Variants in OLA1 observed in about 807,000 individuals in gnomAD.
The protein encoded by OLA1 is obg-like ATPase 1.
Under a neutral mutation model 48.4 loss-of-function variants are expected in OLA1, and 14 were observed. That is an observed-to-expected ratio of 0.29 (90% confidence interval 0.19 to 0.45). The LOEUF is 0.45. OLA1 is among the 20% of genes least tolerant of loss of function. The probability of loss-of-function intolerance (pLI) is 1.00; values close to 1 mark genes in which losing one functional copy is unlikely to be tolerated. For synonymous variants in OLA1, 127 were observed against 150.4 expected (o/e 0.84, Z 1.14); for missense variants, 325 against 467.1 (o/e 0.70, Z 2.80).
chr2:174,182,950 CA>C (rs1687580887), intron 4 of OLA1, among the ~76,000 whole-genome samples: 1 of 152,156 alleles, frequency 6.6e-6, no homozygotes, highest in Admixed American at 6.5e-5. Context: ...CACTGTTTGT[CA>C]AAGAATTTAG....
chr2:174,151,321 C>T (rs531772675), intron 4 of OLA1, among the ~76,000 whole-genome samples: 47 of 152,274 alleles, frequency 3.1e-4, no homozygotes, highest in African/African-American at 9.4e-4. Flanking sequence ...AACCAGATAA[C>T]CACTCTTCTA....
chr2:174,174,994 C>T (rs531765644), intron 4 of OLA1, among the ~76,000 whole-genome samples: 27 of 151,962 alleles, frequency 1.8e-4, no homozygotes, highest in Non-Finnish European at 1.8e-4. Flanking sequence ...ATTTTTGACA[C>T]GGTGCCAGGT....
intron 4 of OLA1, among the ~76,000 whole-genome samples, chr2:174,186,886 T>A (rs1031360188): frequency 3.9e-5 from 6 of 152,012 alleles, no homozygotes; most frequent in African/African-American, 1.4e-4. Context: ...ATATAAGACA[T>A]GAAGAAACAA....
At chr2:174,155,518 A>T (rs2105391855) in intron 4 of OLA1, among the ~76,000 whole-genome samples, 1 of 152,354 alleles carries the variant, frequency 6.6e-6, no homozygotes, top group South Asian at 2.1e-4. Context: ...CAAACTACAG[A>T]CTGCAATAGA....
At chr2:174,133,859 A>G (rs1014667432) in intron 5 of OLA1, among the ~76,000 whole-genome samples, 12 of 152,206 alleles carry the variant, frequency 7.9e-5, no homozygotes, top group Non-Finnish European at 1.3e-4. Flanking sequence ...TGTTATACAA[A>G]CCACCTCTAT....
chr2:174,085,385 C>G (rs77139134), intron 7 of OLA1, among the ~76,000 whole-genome samples: 1,529 of 152,268 alleles, frequency 0.01, 21 homozygotes, highest in Middle Eastern at 0.017. Flanking sequence ...CTCACAGAAG[C>G]CCAAACCCTA....
intron 7 of OLA1, among the ~76,000 whole-genome samples, chr2:174,114,076 C>T (rs1014375688): frequency 2.6e-5 from 4 of 151,242 alleles, no homozygotes; most frequent in Non-Finnish European, 5.9e-5. Context: ...TGCCTGTAAT[C>T]CCAGCACTTT....
intron 4 of OLA1, among the ~76,000 whole-genome samples, chr2:174,208,184 G>A (rs774521370): frequency 7.2e-5 from 11 of 152,114 alleles, no homozygotes; most frequent in Non-Finnish European, 1.3e-4. Flanking sequence ...ATAATCACTT[G>A]GCTAATCAGC....
intron 4 of OLA1, among the ~76,000 whole-genome samples, chr2:174,186,665 C>T (rs990309944): frequency 1.3e-5 from 2 of 148,184 alleles, no homozygotes; most frequent in South Asian, 2.1e-4. Flanking sequence ...GTGCATTACT[C>T]GCTATTTTTT....
intron 4 of OLA1, among the ~76,000 whole-genome samples, chr2:174,199,138 G>C (rs1316301798): frequency 6.6e-6 from 1 of 152,172 alleles, no homozygotes; most frequent in African/African-American, 2.4e-5. Context: ...GGTTGTTAAA[G>C]GAAAGCATTT....
At chr2:174,136,742 G>C (rs896313399) in intron 5 of OLA1, among the ~76,000 whole-genome samples, 2 of 151,552 alleles carry the variant, frequency 1.3e-5, no homozygotes, top group African/African-American at 4.9e-5. Flanking sequence ...TGTGATCTTG[G>C]TTCACTGCAA....
intron 7 of OLA1, among the ~76,000 whole-genome samples, chr2:174,116,537 T>G (rs1685787642): frequency 6.6e-6 from 1 of 152,170 alleles, no homozygotes; most frequent in African/African-American, 2.4e-5. Context: ...AAGGCTTATT[T>G]TCAAGGCCCT....
chr2:174,078,967 C>T lies in OLA1; in HGVS notation c.1089+1G>A. 1.3e-6 allele frequency: 2 copies of T among 1,598,752 alleles called. No individual in the cohort carries two copies. Among genetic ancestry groups the T allele is most frequent in the Non-Finnish European group, 1.7e-6 (2 of 1,174,532 alleles). Reference sequence around the variant, plus strand: ...ATACAAAAATAAAAACAATTCTTTACCTTGACTGCATTTTCAGAACCTTCC... The same window carrying T: ...ATACAAAAATAAAAACAATTCTTTATCTTGACTGCATTTTCAGAACCTTCC... On this transcript the variant is annotated splice_donor_variant, in intron 10 of 10. Coordinates refer to ENST00000284719, the MANE Select transcript of OLA1 (RefSeq NM_013341.5). LOFTEE classifies it high-confidence loss of function.
chr2:174,086,706 G>A (rs965549911), intron 7 of OLA1, among the ~76,000 whole-genome samples: 3 of 152,204 alleles, frequency 2.0e-5, no homozygotes, highest in African/African-American at 7.2e-5. Flanking sequence ...CATCCACAGT[G>A]GATACGCTGG....
At chr2:174,198,298 A>T (rs1687923466) in intron 4 of OLA1, among the ~76,000 whole-genome samples, 2 of 152,194 alleles carry the variant, frequency 1.3e-5, no homozygotes, top group African/African-American at 4.8e-5. Flanking sequence ...GCAAAGCAAA[A>T]ATGGTAAAAC....
chr2:174,118,943 C>T (rs148169647), intron 7 of OLA1, among the ~76,000 whole-genome samples: 42 of 151,922 alleles, frequency 2.8e-4, no homozygotes, highest in African/African-American at 1.0e-3. Flanking sequence ...CATAAGAAAC[C>T]AGAAGTGCAC....
chr2:174,191,438 ATTCTT>A (rs1034333243), intron 4 of OLA1, among the ~76,000 whole-genome samples: 14 of 151,794 alleles, frequency 9.2e-5, no homozygotes, highest in African/African-American at 2.9e-4. Flanking sequence ...TAAAATGAAA[ATTCTT>A]TTCTTTTTTT....
rs1008342479 is a variant in OLA1 at position 174,214,310 on chromosome 2, G to A, written c.373+8723C>T. Among the ~76,000 whole-genome samples the A allele has an allele frequency of 1.2e-4, 18 of 152,106 alleles. 1 individual carries two copies. The highest frequency in any genetic ancestry group is 3.6e-4 in the African/African-American group (15 of 41,402). ...ACTGTGCCACTGCACTCCAGCCTGG[G>A]CAACAGAGAGAGACTCCGCCTCAAA... On this transcript the variant is annotated intron_variant, in intron 4 of 10. Coordinates refer to ENST00000284719, the MANE Select transcript of OLA1 (RefSeq NM_013341.5).
intron 5 of OLA1, among the ~76,000 whole-genome samples, chr2:174,139,600 C>T (rs556638820): frequency 2.5e-4 from 38 of 152,318 alleles, no homozygotes; most frequent in African/African-American, 7.9e-4. Flanking sequence ...GGCACAGTGG[C>T]TCACGCCTGT....
Sources: gnomAD v4.1 joint callset for allele counts (sites outside exome capture counted in the v4.1 genomes callset) on GRCh38, gnomAD v4.1.1 for gene constraint, MANE v1.5 for transcripts, NCBI Gene and HGNC (gene_info 2026-07-23, HGNC 2026-07-21) for gene names.